The following A2M variants were observed in gnomAD, a reference collection of about 807,000 sequenced individuals.
A2M encodes the protein alpha-2-macroglobulin.
A2M carries 128 observed loss-of-function variants against 183.9 expected under a neutral mutation model. The ratio of observed to expected loss-of-function variants is 0.70; its 90% CI spans 0.60 to 0.81. The LOEUF is 0.81. Among genes scored for constraint, A2M ranks in the 30% least tolerant of loss-of-function variants. A2M has a pLI of 0.00. For synonymous variants in A2M, 592 were observed against 670.8 expected (o/e 0.88, Z 1.81); for missense variants, 1,495 against 1,787.6 (o/e 0.84, Z 2.95).
chr12:9,090,615 A>C, intron 19 of A2M, 133 bp from the exon 20 acceptor site: 1 of 885,034 alleles, frequency 1.1e-6, no homozygotes, highest in Non-Finnish European at 1.7e-6. Flanking sequence ...ATGAAGATCA[A>C]GTACCTGAAA....
chr12:9,077,863 CAGGGAGGA>C lies in A2M; in HGVS notation c.3120-14_3120-7del. The C allele has an allele frequency of 6.2e-7, 1 of 1,614,082 alleles. No homozygotes were observed. The highest frequency in any genetic ancestry group is 1.1e-5 in the South Asian group (1 of 91,080). On this transcript the variant is annotated splice_polypyrimidine_tract_variant and splice_region_variant and intron_variant, in intron 25 of 35. Coordinates refer to ENST00000318602, the MANE Select transcript of A2M (RefSeq NM_000014.6). ...TCAGAACAAAGGCTGTGAGCCTGACCAGGGAGGAAGCAATCATGATGTTTATGTTGTCA... is the reference window on the plus strand; with the variant it reads ...TCAGAACAAAGGCTGTGAGCCTGACCAGCAATCATGATGTTTATGTTGTCA...
chr12:9,100,610 T>C (rs1400327331), intron 13 of A2M, among the ~76,000 whole-genome samples: 3 of 151,554 alleles, frequency 2.0e-5, no homozygotes, highest in African/African-American at 7.3e-5. Flanking sequence ...GCAAAGAAAA[T>C]AGGCTGAAAA....
chr12:9,104,917 A>G lies in A2M; in HGVS notation c.1105-517T>C, dbSNP rs774733256. ...TAAGTGCACAAGTAAACAATTGCCA[A>G]TACATTGTCCTGTGTGTTTCTCCAG... On this transcript the variant is annotated intron_variant, in intron 10 of 35. Transcript: ENST00000318602. Among the ~76,000 whole-genome samples the G allele has an allele frequency of 9.8e-4, 150 of 152,334 alleles. 1 individual carries two copies. The highest frequency in any genetic ancestry group is 3.3e-3 in the African/African-American group (138 of 41,582).
rs1938565944 is a variant in A2M, at chr12:9,109,533, T to G, written c.674-128A>C. On this transcript the variant is annotated intron_variant, in intron 6 of 35. Coordinates refer to ENST00000318602, the MANE Select transcript of A2M (RefSeq NM_000014.6). ...CTGAAAAGGTAGCTCTGCTCTCCAA[T>G]CTATTCTTATCTATCCTCCTCTCAA... The G allele has an allele frequency of 5.8e-6, 4 of 695,400 alleles. No homozygotes were observed. The South Asian group carries it at 7.3e-5, about 13-fold the overall frequency. The allele number at this position is 695,400 out of a possible 1,614,324, so 43.1% of individuals were successfully genotyped here. A position where few individuals can be genotyped will look rare whatever the true frequency, so the allele number is the denominator to read the frequency against.
chr12:9,076,243 C>A (rs1237007379), intron 28 of A2M, among the ~76,000 whole-genome samples: 2 of 152,102 alleles, frequency 1.3e-5, no homozygotes, highest in Non-Finnish European at 2.9e-5. Context: ...ATAACTAGTA[C>A]TTTTATAGGA....
chr12:9,096,914 G>A (rs1042441249), intron 15 of A2M, among the ~76,000 whole-genome samples: 2 of 152,064 alleles, frequency 1.3e-5, no homozygotes, highest in African/African-American at 2.4e-5. Context: ...AGAACACAGT[G>A]GGCATTAAAT....
intron 11 of A2M, among the ~76,000 whole-genome samples, chr12:9,102,477 A>C (rs1309179989): frequency 1.3e-5 from 2 of 152,024 alleles, no homozygotes; most frequent in African/African-American, 2.4e-5. Context: ...CAGCCTCCCA[A>C]AGTGCTGGGA....
At chr12:9,072,990 A>T (rs1409351375) in intron 29 of A2M, 119 bp from the exon 30 acceptor site, 1 of 691,366 alleles carries the variant, frequency 1.4e-6, no homozygotes, top group Non-Finnish European at 2.4e-6. Flanking sequence ...CTACTTAAAT[A>T]TAGGAGCTGT....
chr12:9,087,801 A>ACAAC (rs944504748), intron 22 of A2M, among the ~76,000 whole-genome samples: 1 of 152,250 alleles, frequency 6.6e-6, no homozygotes, highest in African/African-American at 2.4e-5. Context: ...AACAACAACA[A>ACAAC]CAACCAACCA....
In A2M at chr12:9,074,830, T is replaced by G. The variant is rs773473051; in HGVS notation, c.3533-47A>C. 5 of 1,538,782 alleles carry G rather than the reference T, an allele frequency of 3.2e-6. No individual in the cohort carries two copies. In the South Asian group the frequency reaches 6.0e-5, roughly 18 times the overall value. On this transcript the variant is annotated intron_variant, in intron 28 of 35. Coordinates refer to ENST00000318602, the MANE Select transcript of A2M (RefSeq NM_000014.6). ...TTTATAAGTGCCTACATATTTATAT[T>G]TAATTCAAGGTGAAAGTACCCAAGC...
intron 29 of A2M, 81 bp downstream of exon 29, chr12:9,074,479 T>A: frequency 7.5e-7 from 1 of 1,334,636 alleles, no homozygotes; most frequent in Non-Finnish European, 1.0e-6. Flanking sequence ...TATTTTTTTC[T>A]TCTTGGATGT....
chr12:9,093,422 G>A (rs1949269562), intron 18 of A2M, 43 bp downstream of exon 18: 1 of 1,329,560 alleles, frequency 7.5e-7, no homozygotes, highest in Non-Finnish European at 1.1e-6. Context: ...AAATAGTCAG[G>A]GACCTCTATT....
chr12:9,103,644 T>C (rs1938062773), intron 11 of A2M, among the ~76,000 whole-genome samples: 1 of 152,202 alleles, frequency 6.6e-6, no homozygotes, highest in Non-Finnish European at 1.5e-5. Context: ...AGAAACCCCA[T>C]GTACGTGAAT....
rs867013704 is a variant in A2M, at chr12:9,068,000, G to A, written c.4409-161C>T. ...ATCATTACCCATAAGCAATCCTATG[G>A]ACTCTCTGAGGTTTGACAGAGTCAG... On this transcript the variant is annotated intron_variant, in intron 35 of 35. Coordinates refer to ENST00000318602, the MANE Select transcript of A2M (RefSeq NM_000014.6). The A allele has an allele frequency of 3.1e-6, 3 of 958,422 alleles. No homozygotes were observed. The Middle Eastern group carries it at 6.3e-4, about 202-fold the overall frequency. The allele number at this position is 958,422 out of a possible 1,614,324, so 59.4% of individuals were successfully genotyped here.
intron 9 of A2M, 58 bp downstream of exon 9, chr12:9,106,433 T>C (rs1938290673): frequency 7.0e-7 from 1 of 1,437,760 alleles, no homozygotes. Flanking sequence ...AATTCATTAT[T>C]TGGCTAAGAA....
At chr12:9,098,416 G>T in intron 15 of A2M, 191 bp downstream of exon 15, 1 of 332,970 alleles carries the variant, frequency 3.0e-6, no homozygotes, top group Non-Finnish European at 5.0e-6. Flanking sequence ...TTTTTTAACT[G>T]CAGAAGTGAG....
intron 15 of A2M, among the ~76,000 whole-genome samples, chr12:9,097,327 C>G (rs994450897): frequency 8.5e-5 from 13 of 152,086 alleles, no homozygotes; most frequent in Admixed American, 5.2e-4. Context: ...ATAAATTTCT[C>G]TTTGTTAAAT....
intron 28 of A2M, among the ~76,000 whole-genome samples, chr12:9,076,166 T>C (rs1321707757): frequency 6.6e-6 from 1 of 152,228 alleles, no homozygotes; most frequent in African/African-American, 2.4e-5. Flanking sequence ...TATTTTCTTA[T>C]GTTTAAGGTT....
intron 34 of A2M, 143 bp from the exon 35 acceptor site, chr12:9,068,367 GAT>G (rs1442587840): frequency 2.3e-5 from 19 of 834,050 alleles, no homozygotes; most frequent in Non-Finnish European, 3.2e-5. Flanking sequence ...TCATTCATCT[GAT>G]GTGTTGCTTG....
Sources: allele counts gnomAD v4.1 joint callset (sites outside exome capture counted in the v4.1 genomes callset), GRCh38; gene constraint gnomAD v4.1.1; transcripts MANE v1.5; gene names NCBI Gene and HGNC (gene_info 2026-07-23, HGNC 2026-07-21).